Variants in NEMF observed in about 807,000 individuals in gnomAD.
The protein encoded by NEMF is ribosome quality control complex subunit NEMF.
A neutral mutation model predicts 162.2 loss-of-function variants in NEMF; 89 were observed. That is an observed-to-expected ratio of 0.55 (90% confidence interval 0.46 to 0.65). The LOEUF is 0.65. Ranked by LOEUF, NEMF falls within the 30% of genes least tolerant of loss-of-function variation. The probability of loss-of-function intolerance (pLI) is 0.00; values close to 1 mark genes in which losing one functional copy is unlikely to be tolerated. For synonymous variants in NEMF, 421 were observed against 404.5 expected (o/e 1.04, Z -0.49); for missense variants, 1,133 against 1,261.9 (o/e 0.90, Z 1.55).
At chr14:49,824,618 C>T (rs796738001) in intron 16 of NEMF, among the ~76,000 whole-genome samples, 6 of 147,800 alleles carry the variant, frequency 4.1e-5, no homozygotes, top group South Asian at 4.3e-4. Flanking sequence ...TTTTAAGAGA[C>T]GGGGTTTGGC....
At chr14:49,828,898 C>T in intron 13 of NEMF, 91 bp from the exon 14 acceptor site, 1 of 1,287,810 alleles carries the variant, frequency 7.8e-7, no homozygotes, top group African/African-American at 1.5e-5. Flanking sequence ...AAATGGTTTA[C>T]AGTACTGGAA....
At chr14:49,844,000 G>A (rs1893343256) in intron 4 of NEMF, among the ~76,000 whole-genome samples, 1 of 151,858 alleles carries the variant, frequency 6.6e-6, no homozygotes, top group South Asian at 2.1e-4. Flanking sequence ...TCAGGAGGCT[G>A]AGGCACTAGG....
At chr14:49,800,738 C>A in intron 22 of NEMF, 42 bp from the exon 23 acceptor site, 1 of 1,556,418 alleles carries the variant, frequency 6.4e-7, no homozygotes, top group Non-Finnish European at 8.7e-7. Context: ...GGACTACCAA[C>A]CAAGCCAGGT....
At chr14:49,806,257 T>TGTATATA (rs1491450902) in intron 18 of NEMF, 124 bp from the exon 19 acceptor site, 1 of 17,450 alleles carries the variant, frequency 5.7e-5, no homozygotes, top group Non-Finnish European at 9.8e-5. Flanking sequence ...TATATATATA[T>TGTATATA]TTTTTTTTTT....
At position 49,782,088 on chromosome 14, in the gene NEMF, T is replaced by C; in HGVS notation, c.*2548A>G. The C allele has an allele frequency of 2.7e-6, 1 of 366,772 alleles. No homozygotes were observed. Among genetic ancestry groups the C allele is most frequent in the Non-Finnish European group, 4.9e-6 (1 of 204,522 alleles). The allele number at this position is 366,772 out of a possible 1,614,324, so 22.7% of individuals were successfully genotyped here. On this transcript the variant is annotated 3_prime_UTR_variant, in exon 33 of 33. Coordinates refer to ENST00000298310, the MANE Select transcript of NEMF (RefSeq NM_004713.6). ...GAAGGCATATACTACTCAGCTCCCA[T>C]ACGATTTTTATTGCTAACAAAGACC... is the stretch of plus-strand genomic sequence containing the variant.
At chr14:49,796,221 G>A in intron 25 of NEMF, 1 of 516,198 alleles carries the variant, frequency 1.9e-6, no homozygotes, top group Non-Finnish European at 3.7e-6. Flanking sequence ...GGCACATTTT[G>A]CCCCTGATCA....
In NEMF at chr14:49,795,904, A is replaced by G; in HGVS notation, c.2506T>C (p.Leu836=). Residue 836 remains leucine (L), a synonymous_variant, in exon 26 of 33, where the codon TTA becomes CTA. Coordinates refer to ENST00000298310, the MANE Select transcript of NEMF (RefSeq NM_004713.6). ...TTATCCTTTCCCTCTAACGCTTCTA[A>G]ATCTCCTGAGTCACTTGGAAGTTTT... ...KKKLPSDSGD[L]EALEGKDKEK... 1 of 1,611,390 alleles carries G rather than the reference A, an allele frequency of 6.2e-7. No homozygotes were observed. Among genetic ancestry groups the G allele is most frequent in the Non-Finnish European group, 8.5e-7 (1 of 1,178,980 alleles).
At chr14:49,832,964 A>C (rs1279808741) in intron 8 of NEMF, among the ~76,000 whole-genome samples, 1 of 152,136 alleles carries the variant, frequency 6.6e-6, no homozygotes, top group African/African-American at 2.4e-5. Context: ...ACCAACAAAA[A>C]CTTTTAAAAC....
Position 49,833,459 on chromosome 14 carries a change from T to G in NEMF, c.699A>C (p.Glu233Asp), listed in dbSNP as rs201741872. 70 of 1,588,078 alleles carry G rather than the reference T, an allele frequency of 4.4e-5. No individual in the cohort carries two copies. The highest frequency in any genetic ancestry group is 1.2e-4 in the Admixed American group (7 of 59,430). Residue 233 changes from glutamate to aspartate, a missense_variant, in exon 8 of 33, where the codon GAA (glutamate) becomes GAC (aspartate). By Grantham distance (45) the Glu-to-Asp change is conservative (BLOSUM62 2). Around this residue, in one of 3 missense-constraint regions of NEMF, gnomAD observed 582 missense variants for 631.5 expected, o/e 0.92. Transcript: ENST00000298310. Reference protein sequence around the residue: ...EKVLVSLQKAEDYMKTTSNFS... With the variant: ...EKVLVSLQKADDYMKTTSNFS... ...AGTTGGATGTTGTTTTCATATAGTC[T>G]TCTGCTTTCTGCAGAGAAACAAGTA...
intron 18 of NEMF, among the ~76,000 whole-genome samples, 166 bp downstream of exon 18, chr14:49,813,822 T>G (rs1409630592): frequency 6.6e-6 from 1 of 152,124 alleles, no homozygotes; most frequent in African/African-American, 2.4e-5. Flanking sequence ...CAGTCTGGTC[T>G]CAAACTCCTG....
chr14:49,802,841 T>C (rs1891019299), intron 20 of NEMF, 114 bp from the exon 21 acceptor site: 1 of 726,210 alleles, frequency 1.4e-6, no homozygotes, highest in Admixed American at 2.7e-5. Flanking sequence ...CATTTTGTCT[T>C]TTACTATGTC....
chr14:49,828,523 T>C, intron 14 of NEMF, 93 bp downstream of exon 14: 1 of 1,119,820 alleles, frequency 8.9e-7, no homozygotes, highest in Non-Finnish European at 1.3e-6. Flanking sequence ...AGTATGCATG[T>C]ACAAGTGAAA....
chr14:49,803,522 T>C (rs1891047601), intron 19 of NEMF, among the ~76,000 whole-genome samples: 2 of 151,822 alleles, frequency 1.3e-5, no homozygotes, highest in Non-Finnish European at 2.9e-5. Flanking sequence ...ATCAATAATT[T>C]TCTTTCTTTT....
chr14:49,844,372 T>C (rs1274253245), intron 4 of NEMF, among the ~76,000 whole-genome samples: 1 of 152,122 alleles, frequency 6.6e-6, no homozygotes, highest in Admixed American at 6.5e-5. Context: ...CTCAGGTGAG[T>C]AATGCTCACT....
chr14:49,805,224 G>A (rs1891133589), intron 19 of NEMF, among the ~76,000 whole-genome samples: 1 of 152,268 alleles, frequency 6.6e-6, no homozygotes, highest in Admixed American at 6.5e-5. Context: ...AAATCTAAGG[G>A]AGTATAATGA....
intron 11 of NEMF, 91 bp downstream of exon 11, chr14:49,831,208 C>T: frequency 2.7e-6 from 2 of 728,956 alleles, no homozygotes; most frequent in South Asian, 1.6e-5. Context: ...ACTTCTTACA[C>T]TCTTTCTGAA....
chr14:49,802,505 C>T lies in NEMF; in HGVS notation c.2043G>A (p.Glu681=). The change falls in exon 22 of 33, where the codon GAG becomes GAA. Residue 681 remains glutamate (E), a synonymous_variant. Coordinates refer to ENST00000298310, the MANE Select transcript of NEMF (RefSeq NM_004713.6). Reference sequence around the variant, plus strand: ...GTTCACTTGTACAACTTGCCAGTGTCTCCATGTCTTCATCCTGTACTCTGA... The same window carrying T: ...GTTCACTTGTACAACTTGCCAGTGTTTCCATGTCTTCATCCTGTACTCTGA... The part of the protein sequence containing the change: ...RKVRVQDEDM[E]TLASCTSELI... 6.2e-7 allele frequency: 1 copy of T among 1,613,890 alleles called. No individual in the cohort carries two copies. Among genetic ancestry groups the T allele is most frequent in the South Asian group, 1.1e-5 (1 of 91,078 alleles).
At chr14:49,808,863 G>A (rs1891341450) in intron 18 of NEMF, among the ~76,000 whole-genome samples, 1 of 151,928 alleles carries the variant, frequency 6.6e-6, no homozygotes, top group African/African-American at 2.4e-5. Context: ...TAACAAATGG[G>A]CCAAAGACTT....
chr14:49,836,328 T>C (rs1892902227), intron 6 of NEMF, among the ~76,000 whole-genome samples: 1 of 151,988 alleles, frequency 6.6e-6, no homozygotes, highest in Non-Finnish European at 1.5e-5. Flanking sequence ...GCTTTTTTCA[T>C]AGAAAGTAAC....
Sources: allele counts gnomAD v4.1 joint callset (sites outside exome capture counted in the v4.1 genomes callset), GRCh38; gene constraint gnomAD v4.1.1; regional missense constraint gnomAD v4.1.1; transcripts MANE v1.5; gene names NCBI Gene and HGNC (gene_info 2026-07-23, HGNC 2026-07-21).